TNS1: variants seen among roughly 807,000 people sequenced by gnomAD.
The protein encoded by TNS1 is tensin 1.
In TNS1, 62 loss-of-function variants were observed where a neutral mutation model predicts 168.6. The observed-to-expected ratio is 0.37, with a 90% CI of 0.30 to 0.45. The LOEUF is 0.45. TNS1 is among the 20% of genes least tolerant of loss of function. The pLI, the probability that TNS1 is intolerant of heterozygous loss-of-function variation, is 1.00. For synonymous variants in TNS1, 934 were observed against 933.2 expected, an observed-to-expected ratio of 1.00 and a Z score of -0.02; for missense variants, 2,240 against 2,339.4, an observed-to-expected ratio of 0.96 and a Z score of 0.88.
intron 3 of TNS1, among the ~76,000 whole-genome samples, chr2:217,923,640 T>A (rs1008967327): frequency 1.2e-4 from 18 of 152,060 alleles, no homozygotes; most frequent in African/African-American, 3.9e-4. Context: ...GCTCACGGAG[T>A]GAGTGCACTA....
chr2:217,833,391 A>T (rs1944726004), intron 21 of TNS1, among the ~76,000 whole-genome samples: 1 of 152,040 alleles, frequency 6.6e-6, no homozygotes, highest in Non-Finnish European at 1.5e-5. Flanking sequence ...AAAATTCCAC[A>T]CGTTTCTCCA....
chr2:217,924,035 C>T (rs565106383), intron 3 of TNS1, among the ~76,000 whole-genome samples: 2 of 152,210 alleles, frequency 1.3e-5, no homozygotes, highest in Non-Finnish European at 2.9e-5. Context: ...AGGGAACTCC[C>T]TGCATGACCC....
In TNS1 at chr2:218,019,624, G is replaced by A. The variant is rs540350984; in HGVS notation, c.156+14196C>T. On this transcript the variant is annotated intron_variant, in intron 1 of 1. Transcript: ENST00000649572. The stretch of plus-strand genomic sequence containing the variant: ...TGCCCACCCTAAACTTCCTCCTTCT[G>A]CAAGGGGCTTGCCCTTTCGCCTCAG... Among the ~76,000 whole-genome samples the A allele has an allele frequency of 7.2e-5, 11 of 152,286 alleles. No individual in the cohort carries two copies. The South Asian group carries it at 2.3e-3, about 32-fold the overall frequency.
intron 1 of TNS1, among the ~76,000 whole-genome samples, chr2:218,016,103 A>C (rs1161545225): frequency 3.3e-5 from 5 of 152,092 alleles, no homozygotes; most frequent in African/African-American, 1.2e-4. Flanking sequence ...TGGCATCAGC[A>C]CTAGCTAATA....
chr2:217,887,446 T>C (rs1447476396), intron 12 of TNS1, among the ~76,000 whole-genome samples: 1 of 152,154 alleles, frequency 6.6e-6, no homozygotes, highest in Non-Finnish European at 1.5e-5. Flanking sequence ...GTAGCTGGGA[T>C]TACAGGCATG....
rs1958890007 is a variant in TNS1 at position 218,031,096 on chromosome 2, G to A, written c.156+2724C>T. ...TGTGTGTTTGTGAGTGTGTGAGCGT[G>A]TCTGTGTGTATGAGTGTGTGTGAGC... On this transcript the variant is annotated intron_variant, in intron 1 of 1. Coordinates refer to the TNS1 transcript ENST00000649572. Among the ~76,000 whole-genome samples, 5 of 133,414 alleles carry A rather than the reference G, an allele frequency of 3.7e-5. No individual in the cohort carries two copies. The South Asian group carries it at 1.2e-3, about 33-fold the overall frequency. 87.5% of individuals were successfully genotyped at this position (133,414 alleles called of 152,430 possible).
rs1047748366 is a variant in TNS1 at position 217,916,225 on chromosome 2, T to C, written c.228+3970A>G. 3.9e-5 allele frequency among the ~76,000 whole-genome samples: 6 copies of C among 152,336 alleles called. No homozygotes were observed. The South Asian group carries it at 1.2e-3, about 32-fold the overall frequency. On this transcript the variant is annotated intron_variant, in intron 4 of 32. Coordinates refer to ENST00000682258, the MANE Select transcript of TNS1 (RefSeq NM_001387777.1). The stretch of plus-strand genomic sequence containing the variant: ...TGAAACCAGCCTCCTCGGGCTCCCA[T>C]GGTGTCCCCCTGCAATCCAAGCATG...
At position 217,967,217 on chromosome 2, in the gene TNS1, AGGC is replaced by A. The variant is rs529833835; in HGVS notation, c.186+11545_186+11547del. 1.3e-4 allele frequency among the ~76,000 whole-genome samples: 20 copies of A among 152,328 alleles called. No individual in the cohort carries two copies. In the South Asian group the frequency reaches 3.3e-3, roughly 25 times the overall value. On this transcript the variant is annotated intron_variant, in intron 3 of 32. Transcript: ENST00000682258. ...GCACCTGTAGTCCCAGCTACTTGGG[AGGC>A]TGAGACAGGAGAATGGCATGAACCC...
At chr2:217,893,997 G>C (rs534411738) in intron 9 of TNS1, among the ~76,000 whole-genome samples, 3 of 152,202 alleles carry the variant, frequency 2.0e-5, no homozygotes, top group Non-Finnish European at 2.9e-5. Context: ...CCTGGCTCAG[G>C]CTGCGAGAGG....
chr2:217,858,504 G>C, intron 18 of TNS1: 1 of 985,894 alleles, frequency 1.0e-6, no homozygotes, highest in South Asian at 4.7e-5. Flanking sequence ...TCTGGAGGGA[G>C]GGAGGGAGAG....
At chr2:217,878,488 A>C (rs3791944) in intron 18 of TNS1, among the ~76,000 whole-genome samples, 2 of 152,112 alleles carry the variant, frequency 1.3e-5, no homozygotes, top group African/African-American at 4.8e-5. Context: ...CCATTTGGAC[A>C]TAATAAGAGT....
At chr2:217,900,385 A>G in intron 7 of TNS1, 78 bp downstream of exon 7, 1 of 1,484,354 alleles carries the variant, frequency 6.7e-7, no homozygotes, top group Non-Finnish European at 9.1e-7. Context: ...GGGGACCCAG[A>G]GGCAAGACTT....
intron 22 of TNS1, chr2:217,830,261 G>GT: frequency 7.0e-7 from 1 of 1,434,976 alleles, no homozygotes; most frequent in Non-Finnish European, 9.6e-7. Flanking sequence ...CCCTTCTACT[G>GT]ATCCCCCGTG....
rs202172136 is a variant in TNS1 at position 217,818,430 on chromosome 2, C to T, written c.3902G>A (p.Trp1301Ter). Reference sequence around the variant, plus strand: ...AGCCATGCTGGGATTGATGGCCCGCCAGCCGAAGCCAGGACTAGGGGGAGT... The same window carrying T: ...AGCCATGCTGGGATTGATGGCCCGCTAGCCGAAGCCAGGACTAGGGGGAGT... ...TNTPPSPGFG[W>*]RAINPSMAAP... Residue 1301 changes from tryptophan (W) to a stop codon, truncating the protein, a stop_gained, in exon 24 of 33, where the codon TGG becomes TAG. Coordinates refer to ENST00000682258, the MANE Select transcript of TNS1 (RefSeq NM_001387777.1). LOFTEE classifies it high-confidence loss of function. The T allele has an allele frequency of 1.2e-5, 19 of 1,614,076 alleles. No homozygotes were observed. The East Asian group carries it at 2.9e-4, about 25-fold the overall frequency.
intron 19 of TNS1, among the ~76,000 whole-genome samples, chr2:217,840,651 A>G (rs1478177985): frequency 2.0e-5 from 3 of 152,238 alleles, no homozygotes; most frequent in African/African-American, 7.2e-5. Context: ...TGGACAGAGC[A>G]GCAGGGGCTG....
At chr2:217,828,126 G>T (rs920005857) in intron 22 of TNS1, among the ~76,000 whole-genome samples, 1 of 152,202 alleles carries the variant, frequency 6.6e-6, no homozygotes, top group African/African-American at 2.4e-5. Flanking sequence ...CCTCCAGCTT[G>T]GGAGAAAGCC....
intron 1 of TNS1, among the ~76,000 whole-genome samples, chr2:217,999,418 T>A (rs937601133): frequency 3.3e-5 from 5 of 152,238 alleles, no homozygotes; most frequent in Non-Finnish European, 7.3e-5. Context: ...TACTTGCCTA[T>A]GGTCACACAG....
Sources: gnomAD v4.1 joint callset for allele counts (sites outside exome capture counted in the v4.1 genomes callset) on GRCh38, gnomAD v4.1.1 for gene constraint, MANE v1.5 for transcripts, NCBI Gene and HGNC (gene_info 2026-07-23, HGNC 2026-07-21) for gene names.